Variants in RFFL observed in about 807,000 individuals in gnomAD.
The protein encoded by RFFL is E3 ubiquitin-protein ligase rififylin.
Under a neutral mutation model 40.4 loss-of-function variants are expected in RFFL, and 16 were observed. The observed-to-expected ratio is 0.40, with a 90% CI of 0.27 to 0.60. RFFL has a LOEUF of 0.60. Among genes scored for constraint, RFFL ranks in the 20% least tolerant of loss-of-function variants. RFFL has a pLI of 0.47. For missense variants in RFFL, 367 were observed against 451.7 expected (o/e 0.81, Z 1.70); for synonymous variants, 154 against 167.9 (o/e 0.92, Z 0.64).
chr17:35,040,841 CTTTTTTTT>C lies in RFFL; in HGVS notation c.-8-14288_-8-14281del, dbSNP rs869061281. Among the ~76,000 whole-genome samples the C allele has an allele frequency of 8.7e-4, 54 of 62,420 alleles. 1 individual carries two copies. The highest frequency in any genetic ancestry group is 2.9e-3 in the African/African-American group (52 of 17,942). 40.9% of individuals were successfully genotyped at this position (62,420 alleles called of 152,430 possible). A position where few individuals can be genotyped will look rare whatever the true frequency, so the allele number is the denominator to read the frequency against. ...GTCATCCAAACATCAGCTTTAATGTCTTTTTTTTTTTTTTTTTTTTTTTGGTGTGTGTG... is the reference window on the plus strand; with the variant it reads ...GTCATCCAAACATCAGCTTTAATGTCTTTTTTTTTTTTTTTGGTGTGTGTG... On this transcript the variant is annotated intron_variant, in intron 1 of 6. Coordinates refer to ENST00000394597, the MANE Select transcript of RFFL (RefSeq NM_001017368.2).
intron 1 of RFFL, among the ~76,000 whole-genome samples, chr17:35,034,460 A>C (rs532344155): frequency 2.4e-4 from 36 of 152,322 alleles, no homozygotes; most frequent in African/African-American, 8.2e-4. Flanking sequence ...CAAAATAGGC[A>C]GACCCACCTG....
intron 1 of RFFL, among the ~76,000 whole-genome samples, chr17:35,060,206 T>C (rs116450277): frequency 9.2e-5 from 14 of 152,258 alleles, no homozygotes; most frequent in African/African-American, 2.2e-4. Context: ...ACCTGAGAGG[T>C]TGGAGTACGC....
At chr17:35,022,638 C>G (rs2091016612) in intron 2 of RFFL, among the ~76,000 whole-genome samples, 1 of 152,136 alleles carries the variant, frequency 6.6e-6, no homozygotes, top group Admixed American at 6.5e-5. Flanking sequence ...CCAGGCCATA[C>G]TGCATAGCTC....
intron 6 of RFFL, among the ~76,000 whole-genome samples, chr17:35,013,863 G>A (rs1051142602): frequency 6.6e-6 from 1 of 152,128 alleles, no homozygotes; most frequent in Non-Finnish European, 1.5e-5. Context: ...GGAGGGTGGA[G>A]GTGGGTCTAG....
At chr17:35,018,152 C>T (rs897135884) in intron 3 of RFFL, among the ~76,000 whole-genome samples, 26 of 152,216 alleles carry the variant, frequency 1.7e-4, no homozygotes, top group African/African-American at 6.0e-4. Context: ...ACAAAGTTTC[C>T]AGATCATCAC....
At chr17:35,088,469 T>C (rs2091441820) in intron 1 of RFFL, among the ~76,000 whole-genome samples, 1 of 152,190 alleles carries the variant, frequency 6.6e-6, no homozygotes, top group African/African-American at 2.4e-5. Flanking sequence ...GACTTCCCCA[T>C]GTCTGGTCAA....
chr17:35,033,303 C>A (rs1422320659), intron 1 of RFFL, among the ~76,000 whole-genome samples: 2 of 151,518 alleles, frequency 1.3e-5, no homozygotes, highest in African/African-American at 4.9e-5. Context: ...CCGAGGTGGG[C>A]AGATCACCTG....
intron 1 of RFFL, chr17:35,088,819 T>A (rs559587802): frequency 3.9e-5 from 6 of 152,420 alleles, no homozygotes; most frequent in African/African-American, 1.4e-4. Context: ...GCAGGGCGCT[T>A]GGGGATAATC....
rs114902333 is a variant in RFFL, at chr17:35,048,728, C to A, written c.-9+14848G>T. ...TTCTCTGCCAAATTCAAAGAATGAA[C>A]GTATGCCTCCGGCCTCCACCTGATG... On this transcript the variant is annotated intron_variant, in intron 1 of 6. Transcript: ENST00000394597. 9.9e-3 allele frequency among the ~76,000 whole-genome samples: 1,500 copies of A among 152,268 alleles called. 22 individuals are homozygous for A. The highest frequency in any genetic ancestry group is 0.034 in the African/African-American group (1,423 of 41,548).
intron 1 of RFFL, among the ~76,000 whole-genome samples, chr17:35,043,310 C>T (rs532576999): frequency 1.3e-5 from 2 of 152,288 alleles, no homozygotes; most frequent in East Asian, 3.9e-4. Flanking sequence ...ATTCCCTACA[C>T]CTCACAGGCT....
rs775746518 is a variant in RFFL, at chr17:35,026,436, G to C, written c.118C>G (p.Pro40Ala). 6.2e-7 allele frequency: 1 copy of C among 1,613,994 alleles called. No homozygotes were observed. The highest frequency in any genetic ancestry group is 8.5e-7 in the Non-Finnish European group (1 of 1,179,924). ...SNPGYSSFPS[P>A]TGLEPSCKSC... ...TTGCAGCTTGGTTCCAAGCCTGTTG[G>C]GGAAGGGAAGGAGCTGTACCCAGGG... The change falls in exon 2 of 7, where the codon CCA (proline) becomes GCA (alanine). Residue 40 changes from proline to alanine, a missense_variant. Coordinates refer to ENST00000394597, the MANE Select transcript of RFFL (RefSeq NM_001017368.2).
At chr17:35,082,932 A>G in intron 1 of RFFL, among the ~76,000 whole-genome samples, 1 of 152,226 alleles carries the variant, frequency 6.6e-6, no homozygotes, top group African/African-American at 2.4e-5. Flanking sequence ...AAACTACGTT[A>G]GGGATAACGT....
intron 1 of RFFL, among the ~76,000 whole-genome samples, chr17:35,070,583 G>A (rs1433733833): frequency 6.6e-6 from 1 of 152,196 alleles, no homozygotes; most frequent in African/African-American, 2.4e-5. Context: ...TACAGTCATG[G>A]AGGCAAAAGT....
At chr17:35,048,838 C>G (rs901786505) in intron 1 of RFFL, among the ~76,000 whole-genome samples, 11 of 152,172 alleles carry the variant, frequency 7.2e-5, no homozygotes, top group African/African-American at 2.7e-4. Context: ...CCCCCTTCCT[C>G]CCACAGACCT....
At chr17:35,057,954 A>G (rs1006879503) in intron 1 of RFFL, among the ~76,000 whole-genome samples, 2 of 152,090 alleles carry the variant, frequency 1.3e-5, no homozygotes, top group Admixed American at 1.3e-4. Context: ...ATTTTTGTCT[A>G]TTATACATCA....
intron 1 of RFFL, among the ~76,000 whole-genome samples, chr17:35,060,663 TTGATGG>T (rs1273618384): frequency 6.6e-6 from 1 of 152,224 alleles, no homozygotes; most frequent in Non-Finnish European, 1.5e-5. Flanking sequence ...GAATGATTAC[TTGATGG>T]TGGCAGGTAA....
chr17:35,080,634 A>G (rs2091399187), intron 1 of RFFL, among the ~76,000 whole-genome samples: 1 of 152,180 alleles, frequency 6.6e-6, no homozygotes, highest in African/African-American at 2.4e-5. Context: ...ATCACTAATA[A>G]GTTGCATTTA....
At chr17:35,075,768 G>A (rs1018641650) in intron 1 of RFFL, among the ~76,000 whole-genome samples, 1 of 151,940 alleles carries the variant, frequency 6.6e-6, no homozygotes, top group Non-Finnish European at 1.5e-5. Flanking sequence ...ATGCATCCTC[G>A]TAGACTATTC....
chr17:35,052,608 G>A (rs181656064), intron 1 of RFFL, among the ~76,000 whole-genome samples: 11 of 152,312 alleles, frequency 7.2e-5, no homozygotes, highest in Admixed American at 6.5e-5. Flanking sequence ...AGCAAAAAAG[G>A]GAGGGAATCT....
Sources: gnomAD v4.1 joint callset for allele counts (sites outside exome capture counted in the v4.1 genomes callset) on GRCh38, gnomAD v4.1.1 for gene constraint, MANE v1.5 for transcripts, NCBI Gene and HGNC (gene_info 2026-07-23, HGNC 2026-07-21) for gene names.